Variants in SGCZ observed in about 807,000 individuals in gnomAD.
SGCZ encodes the protein sarcoglycan zeta.
Under a neutral mutation model 41.3 loss-of-function variants are expected in SGCZ, and 40 were observed. The ratio of observed to expected loss-of-function variants is 0.97; its 90% CI spans 0.75 to 1.26. SGCZ has a LOEUF of 1.26. Ranked by LOEUF, SGCZ falls within the 50% of genes most tolerant of loss-of-function variation. The pLI is 0.00. For synonymous variants in SGCZ, 206 were observed against 137.5 expected, an observed-to-expected ratio of 1.50 and a Z score of -3.49; for missense variants, 552 against 369.8, an observed-to-expected ratio of 1.49 and a Z score of -4.04.
At chr8:14,121,508 T>C (rs1802695075) in intron 5 of SGCZ, among the ~76,000 whole-genome samples, 1 of 152,188 alleles carries the variant, frequency 6.6e-6, no homozygotes, top group Non-Finnish European at 1.5e-5. Flanking sequence ...CACACTTCCA[T>C]GCTTCTTTCA....
intron 2 of SGCZ, among the ~76,000 whole-genome samples, chr8:14,450,855 T>G (rs984420133): frequency 1.3e-5 from 2 of 152,152 alleles, no homozygotes; most frequent in African/African-American, 4.8e-5. Context: ...GATATGTGTA[T>G]TCTCTTCAAG....
chr8:14,280,379 C>T (rs1043336020), intron 3 of SGCZ, among the ~76,000 whole-genome samples: 3 of 151,714 alleles, frequency 2.0e-5, no homozygotes, highest in African/African-American at 7.2e-5. Flanking sequence ...GTGTTTATAA[C>T]CTCAAGGTAG....
chr8:14,580,850 G>C (rs1753823468), intron 1 of SGCZ, among the ~76,000 whole-genome samples: 1 of 152,136 alleles, frequency 6.6e-6, no homozygotes, highest in Non-Finnish European at 1.5e-5. Context: ...CTTCTCCCAG[G>C]CTCCAGCGAT....
intron 2 of SGCZ, among the ~76,000 whole-genome samples, chr8:14,432,817 G>A (rs1011114700): frequency 1.3e-5 from 2 of 151,154 alleles, no homozygotes; most frequent in African/African-American, 4.9e-5. Context: ...GGGAGGCTGA[G>A]GCAGGAGAAT....
At chr8:15,094,007 A>T (rs1585555598) in intron 1 of SGCZ, among the ~76,000 whole-genome samples, 1 of 152,192 alleles carries the variant, frequency 6.6e-6, no homozygotes, top group African/African-American at 2.4e-5. Flanking sequence ...CTAGTGGGGG[A>T]AACAGGAGAA....
chr8:15,001,506 G>T (rs1238699770), intron 1 of SGCZ, among the ~76,000 whole-genome samples: 1 of 152,106 alleles, frequency 6.6e-6, no homozygotes, highest in African/African-American at 2.4e-5. Context: ...AAGGCGGGCG[G>T]ATCACGAGGT....
At chr8:14,289,034 T>C (rs953158849) in intron 3 of SGCZ, among the ~76,000 whole-genome samples, 7 of 152,294 alleles carry the variant, frequency 4.6e-5, no homozygotes, top group Admixed American at 2.0e-4. Context: ...GCTAACAATA[T>C]TGAACATCTG....
At chr8:14,785,555 C>T (rs1271107153) in intron 1 of SGCZ, among the ~76,000 whole-genome samples, 2 of 152,076 alleles carry the variant, frequency 1.3e-5, no homozygotes, top group African/African-American at 2.4e-5. Flanking sequence ...GTGAGTTTGT[C>T]GCAGGTAATA....
At chr8:14,960,306 T>G (rs541383881) in intron 1 of SGCZ, among the ~76,000 whole-genome samples, 14 of 152,136 alleles carry the variant, frequency 9.2e-5, no homozygotes, top group Non-Finnish European at 1.6e-4. Context: ...GCTTGATTAT[T>G]TTATTGATAG....
At chr8:14,532,374 G>T (rs890084843) in intron 2 of SGCZ, among the ~76,000 whole-genome samples, 1 of 152,072 alleles carries the variant, frequency 6.6e-6, no homozygotes, top group African/African-American at 2.4e-5. Flanking sequence ...GTAGAAAGTG[G>T]ATAATGGTCT....
At chr8:14,190,233 C>G (rs959102342) in intron 4 of SGCZ, among the ~76,000 whole-genome samples, 1 of 151,802 alleles carries the variant, frequency 6.6e-6, no homozygotes, top group Non-Finnish European at 1.5e-5. Flanking sequence ...AGGATGGTCT[C>G]GAACTCCTGA....
At chr8:14,485,904 C>T (rs954833541) in intron 2 of SGCZ, among the ~76,000 whole-genome samples, 2 of 134,918 alleles carry the variant, frequency 1.5e-5, no homozygotes, top group African/African-American at 5.4e-5. Flanking sequence ...TGCAGTGGCG[C>T]AATCTCGGCT....
chr8:14,533,854 AGC>A (rs1465214953), intron 2 of SGCZ, among the ~76,000 whole-genome samples: 1 of 152,078 alleles, frequency 6.6e-6, no homozygotes, highest in African/African-American at 2.4e-5. Flanking sequence ...AGGGTTACAT[AGC>A]TCTCAGTTTT....
chr8:15,215,553 C>T (rs1479941249), intron 1 of SGCZ, among the ~76,000 whole-genome samples: 1 of 152,124 alleles, frequency 6.6e-6, no homozygotes, highest in Non-Finnish European at 1.5e-5. Context: ...AAGATTAGCT[C>T]AGGATGATCA....
chr8:14,673,335 A>T (rs959025906), intron 1 of SGCZ, among the ~76,000 whole-genome samples: 2 of 152,158 alleles, frequency 1.3e-5, no homozygotes, highest in Admixed American at 1.3e-4. Flanking sequence ...GGTTTCCCCC[A>T]TGCTATTCTC....
chr8:14,979,276 G>A (rs7835159), intron 1 of SGCZ, among the ~76,000 whole-genome samples: 15,060 of 152,142 alleles, frequency 0.099, 1,304 homozygotes, highest in African/African-American at 0.23. Flanking sequence ...AAACATGTAT[G>A]ACTGTAATAC....
intron 1 of SGCZ, among the ~76,000 whole-genome samples, chr8:14,785,972 C>T (rs1230049772): frequency 6.9e-6 from 1 of 144,384 alleles, no homozygotes; most frequent in Admixed American, 6.7e-5. Flanking sequence ...AAAAAAGTGA[C>T]TCACAATTTG....
At chr8:15,192,269 T>G (rs147526428) in intron 1 of SGCZ, among the ~76,000 whole-genome samples, 1 of 152,074 alleles carries the variant, frequency 6.6e-6, no homozygotes, top group Non-Finnish European at 1.5e-5. Context: ...GAAGATGATG[T>G]AAACACAGCT....
At chr8:14,973,905 C>T (rs928002895) in intron 1 of SGCZ, among the ~76,000 whole-genome samples, 1 of 152,064 alleles carries the variant, frequency 6.6e-6, no homozygotes, top group Non-Finnish European at 1.5e-5. Flanking sequence ...ATTTTATGTA[C>T]ATGACATAAG....
Sources: allele counts gnomAD v4.1 joint callset (sites outside exome capture counted in the v4.1 genomes callset), GRCh38; gene constraint gnomAD v4.1.1; transcripts MANE v1.5; gene names NCBI Gene and HGNC (gene_info 2026-07-23, HGNC 2026-07-21).